LRFN2: variants seen among roughly 807,000 people sequenced by gnomAD.
LRFN2 encodes the protein leucine rich repeat and fibronectin type III domain containing 2.
In LRFN2, 18 loss-of-function variants were observed where a neutral mutation model predicts 37.3. That is an observed-to-expected ratio of 0.48 (90% CI 0.33 to 0.72). The LOEUF (loss-of-function observed/expected upper bound fraction) is 0.72. Ranked by LOEUF, LRFN2 falls within the 30% of genes least tolerant of loss-of-function variation. The probability of loss-of-function intolerance (pLI) is 0.02; values close to 1 mark genes in which losing one functional copy is unlikely to be tolerated. For synonymous variants in LRFN2, 556 were observed against 466.6 expected (o/e 1.19, Z -2.47); for missense variants, 1,006 against 1,060.7 (o/e 0.95, Z 0.72).
intron 2 of LRFN2, among the ~76,000 whole-genome samples, chr6:40,428,723 G>A (rs1286325400): frequency 6.6e-6 from 1 of 152,152 alleles, no homozygotes; most frequent in Non-Finnish European, 1.5e-5. Flanking sequence ...AGGATTAAAT[G>A]AGATACTGCC....
chr6:40,454,200 TA>T (rs1260172004), intron 1 of LRFN2, among the ~76,000 whole-genome samples: 1 of 152,216 alleles, frequency 6.6e-6, no homozygotes, highest in Non-Finnish European at 1.5e-5. Context: ...AGATGTTTGA[TA>T]ATAGCCAGTG....
At chr6:40,546,971 T>C (rs922280119) in intron 1 of LRFN2, among the ~76,000 whole-genome samples, 1 of 152,218 alleles carries the variant, frequency 6.6e-6, no homozygotes, top group African/African-American at 2.4e-5. Flanking sequence ...TTCTTCCTAG[T>C]ATTACTGAGA....
chr6:40,583,435 A>C (rs564913857), intron 1 of LRFN2, among the ~76,000 whole-genome samples: 1 of 152,262 alleles, frequency 6.6e-6, no homozygotes, highest in South Asian at 2.1e-4. Flanking sequence ...CACAGTGTCC[A>C]CCTGCCTGGC....
chr6:40,508,950 G>C lies in LRFN2; in HGVS notation c.-18-75819C>G, dbSNP rs537131361. On this transcript the variant is annotated intron_variant, in intron 1 of 2. Transcript: ENST00000338305. ...ATTGGGTTGATAAGATCATCTCCAG[G>C]GCTCCTTCTATTCCAGGACTTTGAA... 3.7e-4 allele frequency among the ~76,000 whole-genome samples: 57 copies of C among 152,222 alleles called. No individual in the cohort carries two copies. The South Asian group carries it at 0.011, about 29-fold the overall frequency.
chr6:40,477,687 A>G (rs1764738849), intron 1 of LRFN2, among the ~76,000 whole-genome samples: 1 of 152,172 alleles, frequency 6.6e-6, no homozygotes, highest in Non-Finnish European at 1.5e-5. Flanking sequence ...TCAGCTAAGC[A>G]GCCAGCTTTG....
intron 1 of LRFN2, among the ~76,000 whole-genome samples, chr6:40,453,676 G>A (rs1764170116): frequency 6.6e-6 from 1 of 152,104 alleles, no homozygotes; most frequent in Non-Finnish European, 1.5e-5. Flanking sequence ...AGCCTAGAGG[G>A]AAGCGTGATC....
At chr6:40,423,058 T>C (rs1763266270) in intron 2 of LRFN2, among the ~76,000 whole-genome samples, 1 of 152,166 alleles carries the variant, frequency 6.6e-6, no homozygotes, top group African/African-American at 2.4e-5. Flanking sequence ...TTGAGGACAG[T>C]GAGAGAGGCA....
chr6:40,560,252 C>A (rs760798631), intron 1 of LRFN2, among the ~76,000 whole-genome samples: 4 of 152,152 alleles, frequency 2.6e-5, no homozygotes, highest in Admixed American at 6.5e-5. Flanking sequence ...TCAGGGACAG[C>A]GCTCTAACCA....
chr6:40,467,200 GATGATGA>G (rs888932871), intron 1 of LRFN2, among the ~76,000 whole-genome samples: 2 of 150,510 alleles, frequency 1.3e-5, no homozygotes, highest in African/African-American at 5.0e-5. Flanking sequence ...TGATGATGAT[GATGATGA>G]TGTGTGTGTG....
rs146283062 is a variant in LRFN2 at position 40,584,855 on chromosome 6, G to T, written c.-19+2086C>A. On this transcript the variant is annotated intron_variant, in intron 1 of 2. Transcript: ENST00000338305. ...TTTGGAGCTGAAGCAAAGATAAGAA[G>T]AGCAATTCCTCCTTCAGTCAAAGAA... 7.9e-5 allele frequency among the ~76,000 whole-genome samples: 12 copies of T among 151,368 alleles called. No homozygotes were observed. The East Asian group carries it at 2.3e-3, about 29-fold the overall frequency.
rs70984171 is a variant in LRFN2, at chr6:40,457,637, T to TAA, written c.-18-24508_-18-24507dup. ...CTAGGCAACAAAGAAAGACCCTGTT[T>TAA]AAAAAAAAAAAAAAAAAAAAAAGAG... On this transcript the variant is annotated intron_variant, in intron 1 of 2. Coordinates refer to ENST00000338305, the MANE Select transcript of LRFN2 (RefSeq NM_020737.3). Among the ~76,000 whole-genome samples, 388 of 101,358 alleles carry TAA rather than the reference T, an allele frequency of 3.8e-3. 9 individuals are homozygous for TAA. The highest frequency in any genetic ancestry group is 0.011 in the African/African-American group (303 of 27,158). 66.5% of individuals were successfully genotyped at this position (101,358 alleles called of 152,430 possible). A position where few individuals can be genotyped will look rare whatever the true frequency, so the allele number is the denominator to read the frequency against.
intron 1 of LRFN2, among the ~76,000 whole-genome samples, chr6:40,466,333 T>C (rs1764466935): frequency 6.6e-6 from 1 of 152,158 alleles, no homozygotes; most frequent in Non-Finnish European, 1.5e-5. Context: ...TGCCAGGCCA[T>C]CTTTCTGCAA....
At chr6:40,411,324 G>C (rs1581685008) in intron 2 of LRFN2, among the ~76,000 whole-genome samples, 1 of 152,204 alleles carries the variant, frequency 6.6e-6, no homozygotes, top group Admixed American at 6.5e-5. Flanking sequence ...GTAGGAGTAG[G>C]GGGGCTGTGT....
At chr6:40,467,575 G>C (rs1764498738) in intron 1 of LRFN2, among the ~76,000 whole-genome samples, 1 of 152,166 alleles carries the variant, frequency 6.6e-6, no homozygotes, top group Non-Finnish European at 1.5e-5. Flanking sequence ...TTACAGGTGA[G>C]CTATCTGCAA....
chr6:40,455,332 G>C (rs1438984961), intron 1 of LRFN2, among the ~76,000 whole-genome samples: 3 of 152,134 alleles, frequency 2.0e-5, no homozygotes, highest in South Asian at 2.1e-4. Context: ...ACCACCAGCT[G>C]TTTGCTCCAC....
At chr6:40,540,696 G>T (rs1219922159) in intron 1 of LRFN2, among the ~76,000 whole-genome samples, 1 of 152,204 alleles carries the variant, frequency 6.6e-6, no homozygotes, top group African/African-American at 2.4e-5. Context: ...GCCTTCTGCA[G>T]AGTATTATTT....
intron 1 of LRFN2, among the ~76,000 whole-genome samples, chr6:40,445,984 ACT>A (rs1351241201): frequency 6.6e-6 from 1 of 152,230 alleles, no homozygotes; most frequent in Non-Finnish European, 1.5e-5. Flanking sequence ...TATTAAGTGC[ACT>A]CTCTTTAAGT....
chr6:40,541,368 C>T (rs918048960), intron 1 of LRFN2, among the ~76,000 whole-genome samples: 1 of 152,202 alleles, frequency 6.6e-6, no homozygotes, highest in African/African-American at 2.4e-5. Flanking sequence ...ACCTTCTGCA[C>T]AAGGCACAGT....
At chr6:40,423,427 T>G (rs778014421) in intron 2 of LRFN2, among the ~76,000 whole-genome samples, 9 of 152,206 alleles carry the variant, frequency 5.9e-5, no homozygotes, top group Non-Finnish European at 1.3e-4. Flanking sequence ...CGCTGTTAAC[T>G]ATGAAGAACG....
Sources: gnomAD v4.1 joint callset for allele counts (sites outside exome capture counted in the v4.1 genomes callset) on GRCh38, gnomAD v4.1.1 for gene constraint, MANE v1.5 for transcripts, NCBI Gene and HGNC (gene_info 2026-07-23, HGNC 2026-07-21) for gene names.